Variants in DNAJC10 observed in about 807,000 individuals in gnomAD.
DNAJC10 encodes endoplasmic reticulum disulfide reductase DNAJC10.
Under a neutral mutation model 115.0 loss-of-function variants are expected in DNAJC10, and 101 were observed. The ratio of observed to expected loss-of-function variants is 0.88; its 90% CI spans 0.75 to 1.04. The LOEUF is 1.04. Among genes scored for constraint, DNAJC10 ranks in the 50% least tolerant of loss-of-function variants. The pLI is 0.00. For missense variants in DNAJC10, 981 were observed against 928.8 expected, an observed-to-expected ratio of 1.06 and a Z score of -0.73; for synonymous variants, 307 against 301.5, an observed-to-expected ratio of 1.02 and a Z score of -0.19.
At chr2:182,740,411 T>G (rs1693703947) in intron 12 of DNAJC10, 23 bp downstream of exon 12, 4 of 1,546,238 alleles carry the variant, frequency 2.6e-6, no homozygotes, top group Non-Finnish European at 3.5e-6. Flanking sequence ...TTAATAATGA[T>G]AAGTAGCAAT....
chr2:182,767,075 C>G (rs1177059796), intron 22 of DNAJC10, among the ~76,000 whole-genome samples: 1 of 152,112 alleles, frequency 6.6e-6, no homozygotes, highest in African/African-American at 2.4e-5. Context: ...TAGAAAAAAT[C>G]TCTTCCTTAT....
At chr2:182,726,167 C>T (rs1693277626) in intron 5 of DNAJC10, among the ~76,000 whole-genome samples, 1 of 152,046 alleles carries the variant, frequency 6.6e-6, no homozygotes, top group Admixed American at 6.6e-5. Context: ...TTGAGGTGTT[C>T]AAGGCTTCAA....
chr2:182,728,805 T>G, intron 6 of DNAJC10, 58 bp from the exon 7 acceptor site: 1 of 1,581,508 alleles, frequency 6.3e-7, no homozygotes. Flanking sequence ...GCTTGGAGTG[T>G]GTTCAAGGGA....
In DNAJC10 at chr2:182,736,245, T is replaced by C. The variant is rs746909607; in HGVS notation, c.850-4T>C. Reference sequence around the variant, plus strand: ...ACATGGTTTGTTGTTTCTTTCCATTTTAGGATGGTCTTGTTAATGTAGGAT... The same window carrying C: ...ACATGGTTTGTTGTTTCTTTCCATTCTAGGATGGTCTTGTTAATGTAGGAT... On this transcript the variant is annotated splice_region_variant and splice_polypyrimidine_tract_variant and intron_variant, in intron 10 of 23. Transcript: ENST00000264065. 8.4e-6 allele frequency: 13 copies of C among 1,555,738 alleles called. No individual in the cohort carries two copies. The highest frequency in any genetic ancestry group is 1.1e-5 in the Non-Finnish European group (13 of 1,159,966).
intron 23 of DNAJC10, 152 bp downstream of exon 23, chr2:182,775,572 A>G (rs906146512): frequency 7.1e-6 from 4 of 560,454 alleles, no homozygotes; most frequent in Admixed American, 6.3e-5. Context: ...AAATAGGACA[A>G]TCAAAATGTA....
intron 23 of DNAJC10, among the ~76,000 whole-genome samples, 197 bp downstream of exon 23, chr2:182,775,617 A>G (rs1694686275): frequency 6.6e-6 from 1 of 152,212 alleles, no homozygotes; most frequent in South Asian, 2.1e-4. Flanking sequence ...AAATTTGGAC[A>G]AGTAAAACCA....
chr2:182,750,685 C>A (rs558484701), intron 14 of DNAJC10, among the ~76,000 whole-genome samples: 26 of 152,126 alleles, frequency 1.7e-4, no homozygotes, highest in Non-Finnish European at 2.8e-4. Flanking sequence ...TACATCTGTA[C>A]AATGTGTTAC....
chr2:182,741,264 TG>T lies in DNAJC10; in HGVS notation c.1101del (p.Trp367CysfsTer18), dbSNP rs775040137. Reference sequence around the variant, plus strand: ...TAAGGATCGTTTGGCTCATCATCGGTGGCTGTTATTTTTTCATTTTGGAAAA... The same window carrying T: ...TAAGGATCGTTTGGCTCATCATCGGTGCTGTTATTTTTTCATTTTGGAAAA... The part of the protein sequence containing the change: ...TLEDRLAHHR[W>X]LLFFHFGKNE... On this transcript the variant is annotated frameshift_variant, in exon 13 of 24. Coordinates refer to ENST00000264065, the MANE Select transcript of DNAJC10 (RefSeq NM_018981.4). LOFTEE classifies it high-confidence loss of function. 6.2e-7 allele frequency: 1 copy of T among 1,603,968 alleles called. No individual in the cohort carries two copies. Among genetic ancestry groups the T allele is most frequent in the Non-Finnish European group, 8.5e-7 (1 of 1,176,302 alleles).
At chr2:182,765,627 G>C (rs1054465375) in intron 22 of DNAJC10, among the ~76,000 whole-genome samples, 4 of 152,180 alleles carry the variant, frequency 2.6e-5, no homozygotes, top group Admixed American at 2.6e-4. Context: ...TCCCCAGGTA[G>C]TGTTAGGTGC....
chr2:182,741,382 C>T (rs768775385), intron 13 of DNAJC10, 26 bp downstream of exon 13: 12 of 1,191,908 alleles, frequency 1.0e-5, no homozygotes, highest in Non-Finnish European at 1.4e-5. Flanking sequence ...TCTGCCTAGC[C>T]TTCTGCTGGT....
chr2:182,748,846 G>T (rs1269533759), intron 14 of DNAJC10, among the ~76,000 whole-genome samples: 1 of 152,070 alleles, frequency 6.6e-6, no homozygotes, highest in South Asian at 2.1e-4. Context: ...AGAGATTGTG[G>T]TATGTTGTGT....
intron 17 of DNAJC10, among the ~76,000 whole-genome samples, chr2:182,755,356 T>C (rs761068052): frequency 2.6e-5 from 4 of 152,144 alleles, no homozygotes; most frequent in Non-Finnish European, 5.9e-5. Flanking sequence ...AATTATTTAT[T>C]GAACATATGC....
At chr2:182,752,913 C>T (rs1253692095) in intron 16 of DNAJC10, among the ~76,000 whole-genome samples, 1 of 152,092 alleles carries the variant, frequency 6.6e-6, no homozygotes, top group Non-Finnish European at 1.5e-5. Context: ...ACTTAAAAGA[C>T]TATCAGTCAA....
In DNAJC10 at chr2:182,743,604, A is replaced by G. The variant is rs1197525857; in HGVS notation, c.1198A>G (p.Arg400Gly). ...TGACCTTTTTCTCCTTTAGGTTGGC[A>G]GGTTTGACTGTTCCTCTGCACCAGA... The part of the protein sequence containing the change: ...LLKNDHIQVG[R>G]FDCSSAPDIC... Residue 400 changes from arginine (R) to glycine (G), a missense_variant, in exon 14 of 24, where the codon AGG (arginine) becomes GGG (glycine). Arg to Gly is a moderately radical substitution (Grantham distance 125). Transcript: ENST00000264065. The G allele has an allele frequency of 3.1e-6, 5 of 1,610,958 alleles. No individual in the cohort carries two copies. The South Asian group carries it at 5.5e-5, about 18-fold the overall frequency.
intron 14 of DNAJC10, among the ~76,000 whole-genome samples, chr2:182,745,293 C>T (rs1464450646): frequency 6.6e-6 from 1 of 152,172 alleles, no homozygotes; most frequent in Non-Finnish European, 1.5e-5. Flanking sequence ...CCACTGCTGC[C>T]CCTCCAGATA....
intron 19 of DNAJC10, 95 bp from the exon 20 acceptor site, chr2:182,758,742 T>C (rs182824468): frequency 5.6e-6 from 5 of 886,324 alleles, no homozygotes; most frequent in East Asian, 5.0e-5. Flanking sequence ...TCAATCAATA[T>C]AACTTATTTT....
At chr2:182,743,461 T>C (rs1453352723) in intron 13 of DNAJC10, 137 bp from the exon 14 acceptor site, 1 of 617,816 alleles carries the variant, frequency 1.6e-6, no homozygotes. Context: ...TATTTCTGTC[T>C]CTTATTTTCG....
chr2:182,741,393 G>T (rs776488962), intron 13 of DNAJC10, 37 bp downstream of exon 13: 1 of 1,045,878 alleles, frequency 9.6e-7, no homozygotes, highest in Non-Finnish European at 1.4e-6. Flanking sequence ...TTCTGCTGGT[G>T]TACTTTGTTG....
intron 2 of DNAJC10, among the ~76,000 whole-genome samples, chr2:182,717,357 T>C (rs939146338): frequency 6.6e-6 from 1 of 152,238 alleles, no homozygotes; most frequent in African/African-American, 2.4e-5. Context: ...TTTTAAAAAA[T>C]GGCCTCTACT....
Sources: gnomAD v4.1 joint callset for allele counts (sites outside exome capture counted in the v4.1 genomes callset) on GRCh38, gnomAD v4.1.1 for gene constraint, MANE v1.5 for transcripts, NCBI Gene and HGNC (gene_info 2026-07-23, HGNC 2026-07-21) for gene names.